The following PHTF1 variants were observed in gnomAD, a reference collection of about 807,000 sequenced individuals.
The protein encoded by PHTF1 is protein PHTF1.
Under a neutral mutation model 102.4 loss-of-function variants are expected in PHTF1, and 88 were observed. That is an observed-to-expected ratio of 0.86 (90% CI 0.72 to 1.03). The LOEUF (loss-of-function observed/expected upper bound fraction) is 1.03, where lower values mean the gene tolerates loss of function less well. PHTF1 is among the 50% of genes least tolerant of loss of function. The pLI is 0.00. For synonymous variants in PHTF1, 289 were observed against 305.2 expected (o/e 0.95, Z 0.55); for missense variants, 814 against 909.5 (o/e 0.89, Z 1.35).
intron 11 of PHTF1, among the ~76,000 whole-genome samples, chr1:113,707,027 C>T (rs1397346024): frequency 6.6e-6 from 1 of 151,818 alleles, no homozygotes; most frequent in Non-Finnish European, 1.5e-5. Context: ...CCTTACTAAG[C>T]CATTCTCTCA....
intron 15 of PHTF1, among the ~76,000 whole-genome samples, chr1:113,703,048 A>G (rs1331684641): frequency 1.3e-5 from 2 of 152,246 alleles, no homozygotes; most frequent in African/African-American, 4.8e-5. Flanking sequence ...AGTTACACAT[A>G]AAGCAAAAAC....
At chr1:113,711,543 T>C (rs1251984740) in intron 10 of PHTF1, among the ~76,000 whole-genome samples, 1 of 152,210 alleles carries the variant, frequency 6.6e-6, no homozygotes, top group Non-Finnish European at 1.5e-5. Context: ...GTGATACTTT[T>C]AAGCTTAGGG....
rs866514262 is a variant in PHTF1, at chr1:113,733,198, C to T, written c.331+4912G>A. ...ATTACAGGCTTGAGCCACTGCCCCC[C>T]ACCTAGATAACAATTTTTAAAATTA... On this transcript the variant is annotated intron_variant, in intron 5 of 18. Coordinates refer to ENST00000369604, the MANE Select transcript of PHTF1 (RefSeq NM_001323043.2). Among the ~76,000 whole-genome samples, 14 of 151,448 alleles carry T rather than the reference C, an allele frequency of 9.2e-5. No homozygotes were observed. The South Asian group carries it at 1.7e-3, about 18-fold the overall frequency.
At position 113,710,405 on chromosome 1, in the gene PHTF1, C is replaced by A; in HGVS notation, c.1118G>T (p.Arg373Leu). ...NMSRRDSESTRHDSETEDMLW... is the reference protein window; with the variant it reads ...NMSRRDSESTLHDSETEDMLW... ...CATGTCCTCAGTCTCCGAGTCATGG[C>A]GGGTGCTTTCTGAGTCTCTTCTTGA... is the stretch of plus-strand genomic sequence containing the variant. The change falls in exon 11 of 19, where the codon CGC (arginine) becomes CTC (leucine). Residue 373 changes from arginine (R) to leucine (L), a missense_variant. Coordinates refer to ENST00000369604, the MANE Select transcript of PHTF1 (RefSeq NM_001323043.2). 6.2e-7 allele frequency: 1 copy of A among 1,614,084 alleles called. No homozygotes were observed.
chr1:113,754,640 A>G (rs773995655), intron 3 of PHTF1, among the ~76,000 whole-genome samples: 5 of 152,186 alleles, frequency 3.3e-5, no homozygotes, highest in Non-Finnish European at 7.3e-5. Flanking sequence ...TAGTCAAACT[A>G]GACATTTTTT....
chr1:113,741,430 C>G (rs1013458822), intron 3 of PHTF1, among the ~76,000 whole-genome samples: 2 of 152,140 alleles, frequency 1.3e-5, no homozygotes, highest in African/African-American at 4.8e-5. Flanking sequence ...GTACTATATT[C>G]AAAATCAGAA....
At chr1:113,705,849 T>C in intron 13 of PHTF1, 41 bp downstream of exon 13, 8 of 1,536,264 alleles carry the variant, frequency 5.2e-6, no homozygotes, top group Non-Finnish European at 7.1e-6. Context: ...GAATATCATA[T>C]ACAAAAACAG....
In PHTF1 at chr1:113,710,442, T is replaced by C; in HGVS notation, c.1081A>G (p.Ser361Gly). 1.2e-6 allele frequency: 2 copies of C among 1,614,042 alleles called. No individual in the cohort carries two copies. The highest frequency in any genetic ancestry group is 1.7e-6 in the Non-Finnish European group (2 of 1,179,990). ...SRSGVSGGSR[S>G]LNMSRRDSES... ...GAGTCTCTTCTTGACATGTTGAGGC[T>C]TCGAGAGCCACCACTCACACCCGAT... Residue 361 changes from serine (S) to glycine (G), a missense_variant, in exon 11 of 19, where the codon AGC becomes GGC. Physicochemically the swap from Ser to Gly is moderately conservative, Grantham distance 56 (BLOSUM62 0). Coordinates refer to ENST00000369604, the MANE Select transcript of PHTF1 (RefSeq NM_001323043.2).
chr1:113,728,535 G>T (rs973866472), intron 5 of PHTF1, among the ~76,000 whole-genome samples: 14 of 152,222 alleles, frequency 9.2e-5, no homozygotes, highest in African/African-American at 3.1e-4. Context: ...ATGAAGAACA[G>T]CTTGGAGGTT....
chr1:113,710,586 T>G, intron 10 of PHTF1, 111 bp from the exon 11 acceptor site: 1 of 720,770 alleles, frequency 1.4e-6, no homozygotes, highest in Non-Finnish European at 2.3e-6. Flanking sequence ...CCTTCAGAAG[T>G]CAATCACCAT....
At chr1:113,756,963 C>T (rs1488274139) in intron 3 of PHTF1, among the ~76,000 whole-genome samples, 1 of 151,922 alleles carries the variant, frequency 6.6e-6, no homozygotes, top group Non-Finnish European at 1.5e-5. Flanking sequence ...GTCAGGAGAT[C>T]GAGACCATCC....
intron 8 of PHTF1, among the ~76,000 whole-genome samples, chr1:113,712,786 T>G (rs1403322276): frequency 4.1e-5 from 1 of 24,452 alleles, no homozygotes; most frequent in African/African-American, 2.1e-4. Context: ...CTCACAAAAT[T>G]TTTTTTTTTT....
chr1:113,704,267 T>A, intron 14 of PHTF1, 100 bp from the exon 15 acceptor site: 1 of 614,860 alleles, frequency 1.6e-6, no homozygotes, highest in Non-Finnish European at 2.8e-6. Context: ...CGTGTGAAAA[T>A]AATGTTTATA....
chr1:113,727,838 G>A (rs551590964), intron 5 of PHTF1, among the ~76,000 whole-genome samples: 10 of 152,012 alleles, frequency 6.6e-5, no homozygotes, highest in South Asian at 6.2e-4. Flanking sequence ...ATGGTGGCAC[G>A]CGCCTGTGGT....
At chr1:113,720,753 G>A (rs1358927422) in intron 7 of PHTF1, among the ~76,000 whole-genome samples, 1 of 152,194 alleles carries the variant, frequency 6.6e-6, no homozygotes, top group African/African-American at 2.4e-5. Flanking sequence ...GTGCCCCAGT[G>A]AGAACTCTAT....
chr1:113,751,903 A>G (rs1033983712), intron 3 of PHTF1, among the ~76,000 whole-genome samples: 3 of 152,190 alleles, frequency 2.0e-5, no homozygotes, highest in Middle Eastern at 3.2e-3. Context: ...CAATCTTTTT[A>G]ATTTTGTTCT....
At chr1:113,758,943 T>C (rs926104862) in intron 1 of PHTF1, 80 bp downstream of exon 1, 1 of 1,050,220 alleles carries the variant, frequency 9.5e-7, no homozygotes. Context: ...AGCGTGTTCG[T>C]GGGTGCGGGG....
chr1:113,735,666 C>T (rs1264003013), intron 5 of PHTF1, among the ~76,000 whole-genome samples: 6 of 152,056 alleles, frequency 3.9e-5, no homozygotes, highest in East Asian at 3.9e-4. Context: ...GCAGCACAGA[C>T]GCGGAACATT....
At chr1:113,752,136 C>T (rs567436182) in intron 3 of PHTF1, among the ~76,000 whole-genome samples, 1 of 152,234 alleles carries the variant, frequency 6.6e-6, no homozygotes, top group South Asian at 2.1e-4. Context: ...TCTTCCAGAT[C>T]ATGAACATGA....
Sources: gnomAD v4.1 joint callset for allele counts (sites outside exome capture counted in the v4.1 genomes callset) on GRCh38, gnomAD v4.1.1 for gene constraint, MANE v1.5 for transcripts, NCBI Gene and HGNC (gene_info 2026-07-23, HGNC 2026-07-21) for gene names.